Variants in PKN2 observed in about 807,000 individuals in gnomAD.
PKN2 encodes serine/threonine-protein kinase N2.
PKN2 carries 38 observed loss-of-function variants against 119.1 expected under a neutral mutation model. The observed-to-expected ratio is 0.32, with a 90% CI of 0.25 to 0.42. The LOEUF is 0.42. PKN2 is among the 10% of genes least tolerant of loss of function. The pLI is 1.00. For missense variants in PKN2, 850 were observed against 1,165.1 expected, an observed-to-expected ratio of 0.73 and a Z score of 3.94; for synonymous variants, 390 against 384.9, an observed-to-expected ratio of 1.01 and a Z score of -0.15.
intron 2 of PKN2, among the ~76,000 whole-genome samples, chr1:88,751,361 A>C (rs1668986990): frequency 6.7e-6 from 1 of 149,496 alleles, no homozygotes; most frequent in Non-Finnish European, 1.5e-5. Context: ...ATATACATAC[A>C]TTATATATTT....
At chr1:88,732,431 T>G (rs1668176055) in intron 1 of PKN2, among the ~76,000 whole-genome samples, 1 of 152,220 alleles carries the variant, frequency 6.6e-6, no homozygotes, top group Non-Finnish European at 1.5e-5. Flanking sequence ...ATCAGCTGCA[T>G]ATACTGCTGT....
rs941259024 is a variant in PKN2, at chr1:88,725,246, T to G, written c.49-15742T>G. 1.5e-4 allele frequency among the ~76,000 whole-genome samples: 23 copies of G among 152,278 alleles called. 1 individual carries two copies. Among genetic ancestry groups the G allele is most frequent in the South Asian group, 8.3e-4 (4 of 4,830 alleles). ...TAGGGTAAATATCCAAGAGTGTAATTGCTAGGTCATGTTAAGTGTTACTGT... is the reference window on the plus strand; with the variant it reads ...TAGGGTAAATATCCAAGAGTGTAATGGCTAGGTCATGTTAAGTGTTACTGT... On this transcript the variant is annotated intron_variant, in intron 1 of 21. Transcript: ENST00000370521.
chr1:88,743,654 C>T (rs1016189496), intron 2 of PKN2, among the ~76,000 whole-genome samples: 1 of 152,150 alleles, frequency 6.6e-6, no homozygotes, highest in Admixed American at 6.5e-5. Flanking sequence ...CATGTGTTCA[C>T]TCATCTATTT....
At chr1:88,815,396 T>C in intron 16 of PKN2, 1 of 334,216 alleles carries the variant, frequency 3.0e-6, no homozygotes. Context: ...AAATATCACA[T>C]CACTAACCAA....
At chr1:88,755,440 T>C (rs914318246) in intron 2 of PKN2, among the ~76,000 whole-genome samples, 1 of 152,214 alleles carries the variant, frequency 6.6e-6, no homozygotes, top group Non-Finnish European at 1.5e-5. Flanking sequence ...TAAGGTTAAA[T>C]TTCTGCATAG....
At chr1:88,735,449 A>T (rs918117687) in intron 1 of PKN2, among the ~76,000 whole-genome samples, 1 of 141,170 alleles carries the variant, frequency 7.1e-6, no homozygotes, top group Non-Finnish European at 1.6e-5. Flanking sequence ...GATGTGAACC[A>T]TTGTTCCTGG....
At chr1:88,777,145 A>C (rs766821825) in intron 6 of PKN2, among the ~76,000 whole-genome samples, 7 of 152,114 alleles carry the variant, frequency 4.6e-5, no homozygotes, top group Non-Finnish European at 8.8e-5. Context: ...TCTACCTTCA[A>C]ATTGGCTCAC....
At chr1:88,689,062 T>G (rs1666229317) in intron 1 of PKN2, among the ~76,000 whole-genome samples, 1 of 152,232 alleles carries the variant, frequency 6.6e-6, no homozygotes, top group Admixed American at 6.5e-5. Context: ...AATTTTGCAG[T>G]GACACTGGAA....
At chr1:88,800,702 A>C (rs933213388) in intron 8 of PKN2, among the ~76,000 whole-genome samples, 1 of 152,198 alleles carries the variant, frequency 6.6e-6, no homozygotes, top group South Asian at 2.1e-4. Context: ...CTTTTATGAT[A>C]GATGTGTACT....
chr1:88,824,605 G>T (rs1672424107), intron 18 of PKN2, among the ~76,000 whole-genome samples: 1 of 152,154 alleles, frequency 6.6e-6, no homozygotes, highest in Non-Finnish European at 1.5e-5. Context: ...AGAAATCATA[G>T]TAAGCTTCTC....
intron 15 of PKN2, among the ~76,000 whole-genome samples, chr1:88,812,621 A>T (rs951326022): frequency 6.6e-6 from 1 of 152,156 alleles, no homozygotes; most frequent in African/African-American, 2.4e-5. Context: ...CTGTAGTACC[A>T]GCTACTCAGG....
At position 88,701,072 on chromosome 1, in the gene PKN2, A is replaced by C. The variant is rs139618190; in HGVS notation, c.48+16444A>C. On this transcript the variant is annotated intron_variant, in intron 1 of 21. Transcript: ENST00000370521. ...AAGGAGCTGTCACCAGTCACAACAG[A>C]AGTAGATAATAATAGTAATGTTTAT... is the stretch of plus-strand genomic sequence containing the variant. 2.7e-3 allele frequency among the ~76,000 whole-genome samples: 414 copies of C among 152,310 alleles called. 2 individuals carry two copies. The highest frequency in any genetic ancestry group is 9.6e-3 in the African/African-American group (398 of 41,568).
At chr1:88,807,256 C>T (rs1671583263) in intron 12 of PKN2, 57 bp from the exon 13 acceptor site, 8 of 1,113,612 alleles carry the variant, frequency 7.2e-6, no homozygotes, top group Non-Finnish European at 1.0e-5. Context: ...TTATCATTAT[C>T]AAATAAGTTG....
At chr1:88,828,436 A>G in intron 18 of PKN2, 45 bp from the exon 19 acceptor site, 1 of 1,521,522 alleles carries the variant, frequency 6.6e-7, no homozygotes, top group South Asian at 1.2e-5. Context: ...TTTATGCTAG[A>G]TTTGTTTTCT....
At chr1:88,776,636 A>G (rs1025282155) in intron 6 of PKN2, among the ~76,000 whole-genome samples, 23 of 151,838 alleles carry the variant, frequency 1.5e-4, no homozygotes, top group Non-Finnish European at 3.1e-4. Context: ...GTAACTCAGG[A>G]GGCTGGGGCA....
intron 8 of PKN2, among the ~76,000 whole-genome samples, chr1:88,796,232 C>G (rs187714378): frequency 6.6e-6 from 1 of 152,212 alleles, no homozygotes; most frequent in East Asian, 1.9e-4. Flanking sequence ...TTTGAAATCC[C>G]AAATCCTCCA....
intron 2 of PKN2, among the ~76,000 whole-genome samples, chr1:88,755,936 T>C (rs1451757048): frequency 5.3e-5 from 8 of 150,692 alleles, no homozygotes; most frequent in Admixed American, 1.3e-4. Context: ...TTTTTTGAGA[T>C]GGAGTCTCGC....
At chr1:88,793,712 A>C (rs1046400573) in intron 8 of PKN2, among the ~76,000 whole-genome samples, 2 of 152,140 alleles carry the variant, frequency 1.3e-5, no homozygotes, top group Non-Finnish European at 2.9e-5. Context: ...AAAATGGTGT[A>C]TTTGCATATA....
At chr1:88,723,920 A>G (rs1016447739) in intron 1 of PKN2, among the ~76,000 whole-genome samples, 1 of 152,130 alleles carries the variant, frequency 6.6e-6, no homozygotes, top group Non-Finnish European at 1.5e-5. Context: ...TGGTTCTCAT[A>G]ATAATATTGA....
Sources: gnomAD v4.1 joint callset for allele counts (sites outside exome capture counted in the v4.1 genomes callset) on GRCh38, gnomAD v4.1.1 for gene constraint, MANE v1.5 for transcripts, NCBI Gene and HGNC (gene_info 2026-07-23, HGNC 2026-07-21) for gene names.